BRAF: variants seen among roughly 807,000 people sequenced by gnomAD.
BRAF encodes B-Raf proto-oncogene, serine/threonine kinase.
Under a neutral mutation model 104.6 loss-of-function variants are expected in BRAF, and 16 were observed. That is an observed-to-expected ratio of 0.15 (90% confidence interval 0.10 to 0.23). The LOEUF is 0.23. Ranked by LOEUF, BRAF falls within the 10% of genes least tolerant of loss-of-function variation. The pLI, the probability that BRAF is intolerant of heterozygous loss-of-function variation, is 1.00. For missense variants in BRAF, 541 were observed against 937.3 expected (o/e 0.58, Z 5.52); for synonymous variants, 310 against 341.6 (o/e 0.91, Z 1.02).
At chr7:140,737,739 T>C (rs1052965030) in intron 18 of BRAF, among the ~76,000 whole-genome samples, 3 of 152,304 alleles carry the variant, frequency 2.0e-5, no homozygotes, top group South Asian at 2.1e-4. Context: ...ATAAAACATA[T>C]AGATCTTCAG....
chr7:140,868,664 G>A (rs1417896781), intron 1 of BRAF, among the ~76,000 whole-genome samples: 1 of 152,100 alleles, frequency 6.6e-6, no homozygotes, highest in African/African-American at 2.4e-5. Context: ...TGGTTGTTGT[G>A]CACACTGAAT....
In BRAF at chr7:140,723,603, A is replaced by C; in HGVS notation, c.*2891T>G. ...AATATTATTTCAGTGGCAAAAGTCTAGGTCCTTGACTCTAACGATGAAAAA... is the reference window on the plus strand; with the variant it reads ...AATATTATTTCAGTGGCAAAAGTCTCGGTCCTTGACTCTAACGATGAAAAA... On this transcript the variant is annotated 3_prime_UTR_variant, in exon 20 of 20. Transcript: ENST00000644969. 1 of 1,049,704 alleles carries C rather than the reference A, an allele frequency of 9.5e-7. No individual in the cohort carries two copies. The highest frequency in any genetic ancestry group is 1.2e-6 in the Non-Finnish European group (1 of 869,536). 65.0% of individuals were successfully genotyped at this position (1,049,704 alleles called of 1,614,324 possible).
chr7:140,755,314 C>T (rs1031986263), intron 14 of BRAF, among the ~76,000 whole-genome samples: 1 of 152,128 alleles, frequency 6.6e-6, no homozygotes, highest in African/African-American at 2.4e-5. Flanking sequence ...CTTCTGAAAT[C>T]TGACAATGAT....
At chr7:140,774,242 T>C (rs1307600119) in intron 14 of BRAF, among the ~76,000 whole-genome samples, 3 of 152,220 alleles carry the variant, frequency 2.0e-5, no homozygotes, top group Non-Finnish European at 2.9e-5. Context: ...AATGGAATGA[T>C]CTATGTTCAT....
rs191504322 is a variant in BRAF at position 140,722,586 on chromosome 7, C to T, written c.*3908G>A. 291 of 1,055,024 alleles carry T rather than the reference C, an allele frequency of 2.8e-4. No homozygotes were observed. The highest frequency in any genetic ancestry group is 9.2e-4 in the African/African-American group (56 of 60,654). The allele number at this position is 1,055,024 out of a possible 1,614,324, so 65.4% of individuals were successfully genotyped here. A position where few individuals can be genotyped will look rare whatever the true frequency, so the allele number is the denominator to read the frequency against. On this transcript the variant is annotated 3_prime_UTR_variant, in exon 20 of 20. Coordinates refer to ENST00000644969, the MANE Select transcript of BRAF (RefSeq NM_001374258.1). ...TATAGCCTAATGGTTGGAATCTGCT[C>T]GTCTCAAGGTGCTGGTATTCCTAGC...
chr7:140,858,814 T>C (rs961033031), intron 1 of BRAF, among the ~76,000 whole-genome samples: 4 of 151,914 alleles, frequency 2.6e-5, no homozygotes, highest in South Asian at 2.1e-4. Flanking sequence ...GTAGTGTTTA[T>C]ATAAGTGTTT....
intron 14 of BRAF, among the ~76,000 whole-genome samples, chr7:140,769,298 G>A (rs749196959): frequency 6.6e-6 from 1 of 151,838 alleles, no homozygotes; most frequent in Non-Finnish European, 1.5e-5. Flanking sequence ...GGCTAGTCTC[G>A]AACTCCTGTC....
At chr7:140,848,911 T>C (rs1808850748) in intron 2 of BRAF, among the ~76,000 whole-genome samples, 1 of 152,230 alleles carries the variant, frequency 6.6e-6, no homozygotes, top group African/African-American at 2.4e-5. Flanking sequence ...ACTTCAGAAA[T>C]ATAAACTTAA....
chr7:140,805,397 A>G (rs1400878986), intron 5 of BRAF, among the ~76,000 whole-genome samples: 1 of 152,200 alleles, frequency 6.6e-6, no homozygotes, highest in Non-Finnish European at 1.5e-5. Flanking sequence ...CACCAAACCA[A>G]GTAGGTAGGT....
In BRAF at chr7:140,783,389, T is replaced by A. The variant is rs1022585787; in HGVS notation, c.1298-232A>T. ...CCTTTAAGATATCTGATGATAGACA[T>A]AGACACATACTTTATTTACTGGTGC... On this transcript the variant is annotated intron_variant, in intron 10 of 19. Coordinates refer to ENST00000644969, the MANE Select transcript of BRAF (RefSeq NM_001374258.1). 1.1e-5 allele frequency: 5 copies of A among 464,846 alleles called. No homozygotes were observed. In the East Asian group the frequency reaches 1.7e-4, roughly 16 times the overall value. The allele number at this position is 464,846 out of a possible 1,614,324, so 28.8% of individuals were successfully genotyped here. A position where few individuals can be genotyped will look rare whatever the true frequency, so the allele number is the denominator to read the frequency against.
intron 3 of BRAF, among the ~76,000 whole-genome samples, chr7:140,833,447 T>A (rs1807000141): frequency 6.6e-6 from 1 of 152,228 alleles, no homozygotes; most frequent in South Asian, 2.1e-4. Flanking sequence ...CTTCGAAGAT[T>A]ATCTATTTAC....
intron 5 of BRAF, among the ~76,000 whole-genome samples, 189 bp from the exon 6 acceptor site, chr7:140,801,749 T>C (rs951110350): frequency 6.6e-6 from 1 of 152,152 alleles, no homozygotes; most frequent in African/African-American, 2.4e-5. Context: ...CATATTTATT[T>C]CCCACCCCAC....
At chr7:140,908,668 C>T (rs1178796720) in intron 1 of BRAF, among the ~76,000 whole-genome samples, 1 of 152,170 alleles carries the variant, frequency 6.6e-6, no homozygotes, top group Non-Finnish European at 1.5e-5. Context: ...TCCATTCAAC[C>T]TTCCCTGCAA....
At chr7:140,915,505 G>C (rs183274760) in intron 1 of BRAF, among the ~76,000 whole-genome samples, 2 of 151,312 alleles carry the variant, frequency 1.3e-5, no homozygotes, top group Admixed American at 6.6e-5. Flanking sequence ...CGCAATATCG[G>C]CTCACTGCAA....
chr7:140,897,503 T>TC (rs1381055737), intron 1 of BRAF, among the ~76,000 whole-genome samples: 2 of 145,148 alleles, frequency 1.4e-5, no homozygotes, highest in African/African-American at 5.2e-5. Context: ...CTTTTTTTTT[T>TC]TTTTTTTTTT....
At chr7:140,871,071 CA>C (rs201936066) in intron 1 of BRAF, among the ~76,000 whole-genome samples, 5 of 147,252 alleles carry the variant, frequency 3.4e-5, no homozygotes, top group Non-Finnish European at 4.5e-5. Context: ...ACTAAAAATA[CA>C]AAAAAAAATA....
intron 1 of BRAF, among the ~76,000 whole-genome samples, chr7:140,907,605 G>C (rs1816468397): frequency 2.0e-5 from 3 of 151,888 alleles, no homozygotes; most frequent in Admixed American, 2.0e-4. Context: ...CTGTTGCCTA[G>C]GCTGGAGTGC....
intron 14 of BRAF, among the ~76,000 whole-genome samples, chr7:140,760,243 T>C (rs1798564177): frequency 6.6e-6 from 1 of 152,000 alleles, no homozygotes; most frequent in Non-Finnish European, 1.5e-5. Context: ...TGAAACCCTG[T>C]CTCTACTAAA....
At chr7:140,807,372 A>T (rs572208099) in intron 5 of BRAF, among the ~76,000 whole-genome samples, 1 of 152,312 alleles carries the variant, frequency 6.6e-6, no homozygotes, top group East Asian at 1.9e-4. Context: ...AGAAATGGTT[A>T]AATATAATGA....
Sources: allele counts gnomAD v4.1 joint callset (sites outside exome capture counted in the v4.1 genomes callset), GRCh38; gene constraint gnomAD v4.1.1; transcripts MANE v1.5; gene names NCBI Gene and HGNC (gene_info 2026-07-23, HGNC 2026-07-21).